The following SLC4A4 variants were observed in gnomAD, a reference collection of about 807,000 sequenced individuals.
SLC4A4 encodes the protein electrogenic sodium bicarbonate cotransporter 1.
Under a neutral mutation model 111.5 loss-of-function variants are expected in SLC4A4, and 27 were observed. The observed-to-expected ratio is 0.24, with a 90% CI of 0.18 to 0.33. The LOEUF (loss-of-function observed/expected upper bound fraction) is 0.33. Among genes scored for constraint, SLC4A4 ranks in the 10% least tolerant of loss-of-function variants. The pLI is 1.00. For missense variants in SLC4A4, 909 were observed against 1,315.5 expected, an observed-to-expected ratio of 0.69 and a Z score of 4.78; for synonymous variants, 443 against 463.4, an observed-to-expected ratio of 0.96 and a Z score of 0.57.
At chr4:71,412,451 A>G (rs1321330640) in intron 7 of SLC4A4, among the ~76,000 whole-genome samples, 5 of 152,214 alleles carry the variant, frequency 3.3e-5, no homozygotes, top group Non-Finnish European at 7.3e-5. Flanking sequence ...TTTTTGCTCC[A>G]GATATAAAAT....
At chr4:71,481,221 G>C (rs558510909) in intron 14 of SLC4A4, among the ~76,000 whole-genome samples, 4 of 151,688 alleles carry the variant, frequency 2.6e-5, no homozygotes, top group Non-Finnish European at 4.4e-5. Context: ...AGTTTTTCTA[G>C]TACCCCCTTC....
chr4:71,462,415 CTTTTTT>C (rs869306669), intron 12 of SLC4A4, among the ~76,000 whole-genome samples: 1 of 121,898 alleles, frequency 8.2e-6, no homozygotes, highest in Non-Finnish European at 1.7e-5. Flanking sequence ...ACCTCCTCAT[CTTTTTT>C]TTTTTTTTTT....
At chr4:71,163,832 A>C (rs1299106700) in intron 2 of SLC4A4, among the ~76,000 whole-genome samples, 2 of 152,254 alleles carry the variant, frequency 1.3e-5, no homozygotes, top group African/African-American at 4.8e-5. Context: ...AACATTTACT[A>C]TCTGACTCTT....
At chr4:71,409,485 C>T (rs560144523) in intron 7 of SLC4A4, among the ~76,000 whole-genome samples, 5 of 152,296 alleles carry the variant, frequency 3.3e-5, no homozygotes, top group South Asian at 2.1e-4. Flanking sequence ...CCTAGAGATA[C>T]GTGAAACTTT....
Position 71,492,064 on chromosome 4 carries a change from G to A in SLC4A4, c.1974+5046G>A, listed in dbSNP as rs557948629. On this transcript the variant is annotated intron_variant, in intron 15 of 25. Transcript: ENST00000264485. ...TTCATTTCATGGGAAATGGAATGTC[G>A]TATTAATATTCTTGTGCAAAGCATC... is the stretch of plus-strand genomic sequence containing the variant. 4.6e-5 allele frequency among the ~76,000 whole-genome samples: 7 copies of A among 151,594 alleles called. No homozygotes were observed. The South Asian group carries it at 1.0e-3, about 23-fold the overall frequency.
intron 2 of SLC4A4, among the ~76,000 whole-genome samples, chr4:71,157,952 C>G (rs1488812633): frequency 6.6e-6 from 1 of 152,088 alleles, no homozygotes; most frequent in Non-Finnish European, 1.5e-5. Flanking sequence ...AATTTCCAGA[C>G]TATCAAATGA....
intron 2 of SLC4A4, among the ~76,000 whole-genome samples, chr4:71,121,613 A>T (rs935645432): frequency 2.6e-5 from 4 of 152,146 alleles, no homozygotes; most frequent in African/African-American, 9.7e-5. Flanking sequence ...AAATGCACCA[A>T]TCAGCACTCT....
Position 71,225,934 on chromosome 4 carries a change from G to C in SLC4A4, c.-1-10642G>C, listed in dbSNP as rs910880156. On this transcript the variant is annotated intron_variant, in intron 1 of 25. Transcript: ENST00000264485. ...TACTACAAATAATTTATCACTGACT[G>C]TGTATAAACATAAAACTAAGCTACA... is the stretch of plus-strand genomic sequence containing the variant. 3.9e-5 allele frequency among the ~76,000 whole-genome samples: 6 copies of C among 152,346 alleles called. No individual in the cohort carries two copies. In the South Asian group the frequency reaches 1.2e-3, roughly 32 times the overall value.
intron 5 of SLC4A4, among the ~76,000 whole-genome samples, chr4:71,354,768 G>A (rs1292568646): frequency 6.6e-6 from 1 of 152,130 alleles, no homozygotes; most frequent in African/African-American, 2.4e-5. Flanking sequence ...CAGAAAACCT[G>A]GTTTTATATG....
chr4:71,340,898 A>G (rs1270665888), intron 4 of SLC4A4, among the ~76,000 whole-genome samples: 2 of 152,218 alleles, frequency 1.3e-5, no homozygotes, highest in Non-Finnish European at 2.9e-5. Flanking sequence ...GTTAAGCATT[A>G]CACAAATACC....
intron 3 of SLC4A4, among the ~76,000 whole-genome samples, chr4:71,282,316 G>T (rs1486290604): frequency 8.0e-5 from 12 of 150,146 alleles, no homozygotes; most frequent in Non-Finnish European, 1.5e-4. Context: ...TTTTTGAGAT[G>T]GAGTTTTGCT....
At chr4:71,222,823 T>C (rs1037835967) in intron 1 of SLC4A4, among the ~76,000 whole-genome samples, 2 of 152,220 alleles carry the variant, frequency 1.3e-5, no homozygotes, top group African/African-American at 4.8e-5. Context: ...GATGCACTCT[T>C]CTGGCTTTTG....
At chr4:71,122,175 A>G (rs1338649736) in intron 2 of SLC4A4, among the ~76,000 whole-genome samples, 1 of 151,948 alleles carries the variant, frequency 6.6e-6, no homozygotes, top group Non-Finnish European at 1.5e-5. Flanking sequence ...TGAGACCAAG[A>G]ACCCACCAAT....
chr4:71,468,849 C>T (rs1366521662), intron 13 of SLC4A4, among the ~76,000 whole-genome samples: 1 of 151,922 alleles, frequency 6.6e-6, no homozygotes, highest in Non-Finnish European at 1.5e-5. Flanking sequence ...AAAAGTCCTT[C>T]AGTTAAGAAC....
intron 21 of SLC4A4, among the ~76,000 whole-genome samples, chr4:71,556,214 C>T (rs961484516): frequency 2.0e-5 from 3 of 151,834 alleles, no homozygotes; most frequent in Non-Finnish European, 4.4e-5. Flanking sequence ...GAGTAGAGTT[C>T]GTCATCTTTT....
At chr4:71,487,116 A>G in intron 15 of SLC4A4, 98 bp downstream of exon 15, 4 of 748,030 alleles carry the variant, frequency 5.3e-6, no homozygotes, top group Non-Finnish European at 9.4e-6. Context: ...CCACTCAGCA[A>G]TTCTGGCATG....
At chr4:71,279,187 CCTGT>C (rs1391094441) in intron 3 of SLC4A4, among the ~76,000 whole-genome samples, 1 of 152,256 alleles carries the variant, frequency 6.6e-6, no homozygotes, top group Admixed American at 6.5e-5. Context: ...ACTTACTCAT[CCTGT>C]CTAATTGAAA....
intron 6 of SLC4A4, among the ~76,000 whole-genome samples, chr4:71,375,218 G>A (rs1732239029): frequency 6.6e-6 from 1 of 152,174 alleles, no homozygotes; most frequent in Admixed American, 6.5e-5. Context: ...TGGCTGATAA[G>A]TTACCTCCTC....
chr4:71,332,639 T>C (rs1728104829), intron 3 of SLC4A4, among the ~76,000 whole-genome samples: 2 of 151,998 alleles, frequency 1.3e-5, no homozygotes, highest in African/African-American at 4.8e-5. Context: ...AGAGATGGGG[T>C]TTCACTGTGG....
Sources: allele counts gnomAD v4.1 joint callset (sites outside exome capture counted in the v4.1 genomes callset), GRCh38; gene constraint gnomAD v4.1.1; transcripts MANE v1.5; gene names NCBI Gene and HGNC (gene_info 2026-07-23, HGNC 2026-07-21).